Variants in ATP10B observed in about 807,000 individuals in gnomAD.
ATP10B encodes the protein ATPase phospholipid transporting 10B (putative), also known as phospholipid-transporting ATPase VB.
Under a neutral mutation model 141.2 loss-of-function variants are expected in ATP10B, and 122 were observed. The observed-to-expected ratio is 0.86, with a 90% CI of 0.75 to 1.00. The LOEUF (loss-of-function observed/expected upper bound fraction) is 1.00. ATP10B is among the 50% of genes least tolerant of loss of function. The pLI, the probability that ATP10B is intolerant of heterozygous loss-of-function variation, is 0.00. For missense variants in ATP10B, 1,876 were observed against 1,825.3 expected (o/e 1.03, Z -0.51); for synonymous variants, 685 against 692.0 (o/e 0.99, Z 0.16).
chr5:160,723,596 T>C (rs1045729812), intron 2 of ATP10B, among the ~76,000 whole-genome samples: 19 of 152,178 alleles, frequency 1.2e-4, no homozygotes, highest in African/African-American at 4.1e-4. Flanking sequence ...CAGTTGTTGG[T>C]CAAAATTTTT....
At chr5:160,862,329 A>G in the ATP10B span, among the ~76,000 whole-genome samples, 3 of 152,020 alleles carry the variant, frequency 2.0e-5, no homozygotes, top group East Asian at 1.9e-4. Flanking sequence ...TGTGAAGAAG[A>G]AAGTTCATCT....
chr5:160,855,052 C>T (rs1211757577), upstream of ATP10B, among the ~76,000 whole-genome samples: 1 of 152,082 alleles, frequency 6.6e-6, no homozygotes, highest in Non-Finnish European at 1.5e-5. Flanking sequence ...AACATTTGTG[C>T]ACAGGTTTTG....
chr5:160,771,726 TTGTA>T (rs1160539308), intron 2 of ATP10B, among the ~76,000 whole-genome samples: 5 of 152,216 alleles, frequency 3.3e-5, no homozygotes, highest in Admixed American at 1.3e-4. Flanking sequence ...TATGCTCATG[TTGTA>T]CCTTAGCTCT....
chr5:160,915,153 A>G, the ATP10B span, among the ~76,000 whole-genome samples: 1 of 152,214 alleles, frequency 6.6e-6, no homozygotes, highest in African/African-American at 2.4e-5. Flanking sequence ...ATCATATTAA[A>G]TTATGCCTTT....
chr5:160,632,350 G>T lies in ATP10B; in HGVS notation c.1399C>A (p.Pro467Thr). The T allele has an allele frequency of 6.2e-7, 1 of 1,614,168 alleles. No individual in the cohort carries two copies. Among genetic ancestry groups the T allele is most frequent in the African/African-American group, 1.3e-5 (1 of 75,052 alleles). The change falls in exon 13 of 26, where the codon CCA becomes ACA. Residue 467 changes from proline (P) to threonine (T), a missense_variant. Transcript: ENST00000327245. ...HQENAKRLET[P>T]KELDSDGEEW... is the part of the protein sequence containing the mutation. ...TCACCATCTGAGTCCAGCTCCTTTG[G>T]GGTCTCCAGTCGCTTAGCTGCAAGA...
intron 1 of ATP10B, among the ~76,000 whole-genome samples, chr5:160,809,811 G>T (rs577927887): frequency 5.1e-4 from 77 of 152,250 alleles, no homozygotes; most frequent in African/African-American, 1.8e-3. Flanking sequence ...AAATTGCATT[G>T]GTATGTGCAG....
chr5:160,725,508 C>G (rs1350575533), intron 2 of ATP10B, among the ~76,000 whole-genome samples: 4 of 151,662 alleles, frequency 2.6e-5, no homozygotes, highest in Non-Finnish European at 4.4e-5. Flanking sequence ...TGCAGTGGTG[C>G]GATCTCGGCT....
At chr5:160,683,042 A>ACCC (rs1763520994) in intron 6 of ATP10B, among the ~76,000 whole-genome samples, 5 of 39,324 alleles carry the variant, frequency 1.3e-4, no homozygotes, top group South Asian at 8.2e-4. Context: ...CTGTCCCCCA[A>ACCC]AAAAAAAAAA....
chr5:160,707,358 T>C (rs1765078669), intron 3 of ATP10B, among the ~76,000 whole-genome samples: 1 of 152,216 alleles, frequency 6.6e-6, no homozygotes, highest in Non-Finnish European at 1.5e-5. Context: ...CCCCCTAAGC[T>C]GGTATTGCTG....
intron 2 of ATP10B, among the ~76,000 whole-genome samples, chr5:160,728,786 AC>A: frequency 6.6e-6 from 1 of 150,906 alleles, no homozygotes; most frequent in Non-Finnish European, 1.5e-5. Context: ...GTTTCACGGA[AC>A]CCTTTTGCTG....
In ATP10B at chr5:160,611,325, T is replaced by A. The variant is rs371305182; in HGVS notation, c.2838+1416A>T. On this transcript the variant is annotated intron_variant, in intron 18 of 25. Transcript: ENST00000327245. ...GAAGCCCACTCGATCTCCCTCTGGC[T>A]GGCTGCCTCACTGGTTTGCAGATGT... Among the ~76,000 whole-genome samples the A allele has an allele frequency of 2.7e-4, 41 of 152,336 alleles. 1 individual carries two copies. In the South Asian group the frequency reaches 8.3e-3, roughly 31 times the overall value.
chr5:160,693,242 A>G (rs1454681234), intron 3 of ATP10B, among the ~76,000 whole-genome samples: 2 of 152,304 alleles, frequency 1.3e-5, no homozygotes, highest in East Asian at 3.9e-4. Context: ...CAATGGGCAA[A>G]ATCTGAATAT....
At chr5:160,599,388 A>G (rs574389119) in intron 21 of ATP10B, among the ~76,000 whole-genome samples, 1 of 152,298 alleles carries the variant, frequency 6.6e-6, no homozygotes, top group African/African-American at 2.4e-5. Context: ...AAAAGTACAG[A>G]TTTTGGAGGC....
intron 21 of ATP10B, among the ~76,000 whole-genome samples, chr5:160,600,249 C>T (rs1757027002): frequency 6.6e-6 from 1 of 152,040 alleles, no homozygotes; most frequent in African/African-American, 2.4e-5. Flanking sequence ...ATGAAGAATC[C>T]AAGGTTCTGA....
At chr5:160,828,526 A>G (rs1774808712) in intron 1 of ATP10B, among the ~76,000 whole-genome samples, 1 of 152,030 alleles carries the variant, frequency 6.6e-6, no homozygotes, top group East Asian at 1.9e-4. Context: ...CACACCAGTT[A>G]GAATGGCAAT....
intron 9 of ATP10B, among the ~76,000 whole-genome samples, chr5:160,642,597 C>T (rs766472786): frequency 9.2e-5 from 14 of 152,072 alleles, no homozygotes; most frequent in South Asian, 2.1e-4. Flanking sequence ...GGACAGCCCC[C>T]GTCACAAAGA....
At chr5:160,824,899 A>C (rs1180778365) in intron 1 of ATP10B, among the ~76,000 whole-genome samples, 1 of 152,168 alleles carries the variant, frequency 6.6e-6, no homozygotes, top group Non-Finnish European at 1.5e-5. Context: ...AGCTTTGGGC[A>C]AGCCACCTTC....
intron 2 of ATP10B, among the ~76,000 whole-genome samples, chr5:160,742,272 A>G (rs1017373946): frequency 4.6e-5 from 7 of 152,214 alleles, no homozygotes; most frequent in Non-Finnish European, 1.0e-4. Flanking sequence ...ACAGGTGTAG[A>G]CATAGTGCTA....
rs1769256785 is a variant in ATP10B, at chr5:160,764,361, C to G, written c.-331+21198G>C. Among the ~76,000 whole-genome samples the G allele has an allele frequency of 7.2e-5, 11 of 152,244 alleles. No homozygotes were observed. In the South Asian group the frequency reaches 2.3e-3, roughly 32 times the overall value. ...AACAGCGTATCAAAAAGATAATACA[C>G]TATCATCAAGTGGGTTTCATACCAG... On this transcript the variant is annotated intron_variant, in intron 2 of 25. Coordinates refer to ENST00000327245, the MANE Select transcript of ATP10B (RefSeq NM_025153.3).
Sources: allele counts gnomAD v4.1 joint callset (sites outside exome capture counted in the v4.1 genomes callset), GRCh38; gene constraint gnomAD v4.1.1; transcripts MANE v1.5; gene names NCBI Gene and HGNC (gene_info 2026-07-23, HGNC 2026-07-21).